CDH12: variants seen among roughly 807,000 people sequenced by gnomAD.
CDH12 encodes the protein cadherin-12.
CDH12 carries 41 observed loss-of-function variants against 74.1 expected under a neutral mutation model. The observed-to-expected ratio is 0.55, with a 90% CI of 0.43 to 0.72. CDH12 has a LOEUF of 0.72. CDH12 is among the 30% of genes least tolerant of loss of function. The probability of loss-of-function intolerance (pLI) is 0.00; values close to 1 mark genes in which losing one functional copy is unlikely to be tolerated. For missense variants in CDH12, 945 were observed against 977.2 expected (o/e 0.97, Z 0.44); for synonymous variants, 399 against 355.0 (o/e 1.12, Z -1.39).
chr5:21,952,480 T>C (rs1322675998), intron 6 of CDH12, among the ~76,000 whole-genome samples: 2 of 152,166 alleles, frequency 1.3e-5, no homozygotes, highest in South Asian at 2.1e-4. Context: ...AACCAGTACA[T>C]AGTGGTGTGA....
At chr5:22,632,399 T>C (rs773597061) in intron 1 of CDH12, among the ~76,000 whole-genome samples, 1 of 152,108 alleles carries the variant, frequency 6.6e-6, no homozygotes, top group Non-Finnish European at 1.5e-5. Context: ...ACTGAAAAAT[T>C]GTTTAAACTT....
At chr5:22,065,571 G>A (rs1372305659) in intron 5 of CDH12, among the ~76,000 whole-genome samples, 2 of 152,060 alleles carry the variant, frequency 1.3e-5, no homozygotes, top group Non-Finnish European at 2.9e-5. Flanking sequence ...CATTGGTAAC[G>A]CTAGAATGGG....
chr5:22,643,358 G>A (rs1739251359), intron 1 of CDH12, among the ~76,000 whole-genome samples: 1 of 152,064 alleles, frequency 6.6e-6, no homozygotes, highest in Admixed American at 6.6e-5. Context: ...GCCTATCATT[G>A]ATTACAAAGA....
At chr5:22,401,730 A>G (rs1742737313) in intron 3 of CDH12, among the ~76,000 whole-genome samples, 1 of 152,134 alleles carries the variant, frequency 6.6e-6, no homozygotes, top group Non-Finnish European at 1.5e-5. Context: ...ATGTCTATAG[A>G]TCTAATTAAA....
intron 2 of CDH12, among the ~76,000 whole-genome samples, chr5:22,494,589 A>C (rs1747025415): frequency 6.6e-6 from 1 of 152,260 alleles, no homozygotes; most frequent in African/African-American, 2.4e-5. Flanking sequence ...AATCTGCTCC[A>C]GGAACTTACA....
chr5:22,191,596 G>A (rs1313159935), intron 4 of CDH12, among the ~76,000 whole-genome samples: 5 of 106,864 alleles, frequency 4.7e-5, no homozygotes, highest in East Asian at 3.3e-4. Flanking sequence ...ACGGAGTCTC[G>A]CTCTGTCGCC....
At chr5:22,086,519 T>C (rs144151579) in intron 4 of CDH12, among the ~76,000 whole-genome samples, 4,404 of 148,288 alleles carry the variant, frequency 0.03, 127 homozygotes, top group African/African-American at 0.078. Flanking sequence ...AATTTGTTTT[T>C]TGTTTGTTTG....
Position 22,605,233 on chromosome 5 carries a change from G to A in CDH12, c.-522-99869C>T, listed in dbSNP as rs182017666. ...GCACTCCGAGGCGTGGAGCCTGCCT[G>A]TCCACACTGCAGATTTGGACTTTCC... On this transcript the variant is annotated intron_variant, in intron 1 of 14. Transcript: ENST00000382254. Among the ~76,000 whole-genome samples the A allele has an allele frequency of 1.7e-3, 263 of 152,310 alleles. 2 individuals are homozygous for A. In the East Asian group the frequency reaches 0.019, roughly 11 times the overall value.
chr5:22,247,718 T>C (rs978265373), intron 3 of CDH12, among the ~76,000 whole-genome samples: 1 of 152,084 alleles, frequency 6.6e-6, no homozygotes, highest in African/African-American at 2.4e-5. Flanking sequence ...CTTTGAGTTA[T>C]AGCTTTTCTC....
At chr5:22,772,919 T>C (rs112050722) in intron 1 of CDH12, among the ~76,000 whole-genome samples, 1 of 151,820 alleles carries the variant, frequency 6.6e-6, no homozygotes, top group African/African-American at 2.4e-5. Context: ...TACAAAAAAA[T>C]TAAAATACCT....
At chr5:21,848,196 G>A (rs1230539115) in intron 7 of CDH12, among the ~76,000 whole-genome samples, 1 of 152,008 alleles carries the variant, frequency 6.6e-6, no homozygotes, top group Admixed American at 6.6e-5. Flanking sequence ...TATAGCTATT[G>A]TATCATGAAA....
intron 3 of CDH12, among the ~76,000 whole-genome samples, chr5:22,352,105 T>C (rs944212562): frequency 6.6e-6 from 1 of 151,948 alleles, no homozygotes; most frequent in Non-Finnish European, 1.5e-5. Flanking sequence ...ATTAAGTGTT[T>C]GGAATCATTT....
intron 10 of CDH12, among the ~76,000 whole-genome samples, chr5:21,794,631 T>C (rs1282327124): frequency 1.3e-5 from 2 of 151,790 alleles, no homozygotes; most frequent in Non-Finnish European, 3.0e-5. Context: ...ATTTTTTTCA[T>C]TTAATATGTT....
intron 1 of CDH12, among the ~76,000 whole-genome samples, chr5:22,568,032 C>T (rs942574783): frequency 6.6e-6 from 1 of 152,132 alleles, no homozygotes. Flanking sequence ...TATTTGATTT[C>T]TATGTAATTT....
intron 5 of CDH12, among the ~76,000 whole-genome samples, chr5:21,987,122 T>G (rs952120771): frequency 1.3e-5 from 2 of 152,144 alleles, no homozygotes; most frequent in African/African-American, 4.8e-5. Flanking sequence ...TCACTTCTAT[T>G]TATGTTTTAT....
intron 3 of CDH12, among the ~76,000 whole-genome samples, chr5:22,287,623 T>G (rs1186869520): frequency 6.7e-6 from 1 of 149,664 alleles, no homozygotes; most frequent in East Asian, 2.0e-4. Context: ...TTCGGGAGGC[T>G]GAGGCAGGAG....
intron 3 of CDH12, among the ~76,000 whole-genome samples, chr5:22,215,049 G>T (rs1044473563): frequency 6.6e-6 from 1 of 152,176 alleles, no homozygotes; most frequent in African/African-American, 2.4e-5. Context: ...TTACATGCTT[G>T]CTATGTAGTA....
intron 5 of CDH12, among the ~76,000 whole-genome samples, chr5:22,062,116 A>C (rs1741229282): frequency 6.6e-6 from 1 of 152,140 alleles, no homozygotes. Context: ...CTTTTGAAAT[A>C]CTGGTTTTAG....
chr5:22,521,767 T>A (rs1737064072), intron 1 of CDH12, among the ~76,000 whole-genome samples: 1 of 152,184 alleles, frequency 6.6e-6, no homozygotes, highest in Admixed American at 6.5e-5. Flanking sequence ...TGAACGTGGA[T>A]GAGTTCCAGT....
Sources: allele counts gnomAD v4.1 joint callset (sites outside exome capture counted in the v4.1 genomes callset), GRCh38; gene constraint gnomAD v4.1.1; transcripts MANE v1.5; gene names NCBI Gene and HGNC (gene_info 2026-07-23, HGNC 2026-07-21).